Variants in GPBP1L1 observed in about 807,000 individuals in gnomAD.
GPBP1L1 encodes vasculin-like protein 1.
In GPBP1L1, 23 loss-of-function variants were observed where a neutral mutation model predicts 52.5. The observed-to-expected ratio is 0.44, with a 90% confidence interval of 0.32 to 0.62. The LOEUF (loss-of-function observed/expected upper bound fraction) is 0.62. Among genes scored for constraint, GPBP1L1 ranks in the 20% least tolerant of loss-of-function variants. The pLI, the probability that GPBP1L1 is intolerant of heterozygous loss-of-function variation, is 0.06. For synonymous variants in GPBP1L1, 243 were observed against 203.1 expected, an observed-to-expected ratio of 1.20 and a Z score of -1.67; for missense variants, 596 against 579.3, an observed-to-expected ratio of 1.03 and a Z score of -0.30.
At chr1:45,640,434 A>AT in intron 7 of GPBP1L1, 31 bp from the exon 8 acceptor site, 1 of 1,553,380 alleles carries the variant, frequency 6.4e-7, no homozygotes, top group Non-Finnish European at 8.9e-7. Flanking sequence ...GAGACAACAG[A>AT]ATGTCAAACC....
chr1:45,643,305 G>A (rs1179009801), intron 6 of GPBP1L1, among the ~76,000 whole-genome samples: 1 of 152,186 alleles, frequency 6.6e-6, no homozygotes, highest in Non-Finnish European at 1.5e-5. Context: ...GAGGTATCTG[G>A]CAAAGCAGGC....
chr1:45,639,172 A>G lies in GPBP1L1; in HGVS notation c.744+1038T>C, dbSNP rs59879604. The stretch of plus-strand genomic sequence containing the variant: ...TGCCATACATTGTTTGGAGCCACTG[A>G]AGGAATTCAGGAAGGCATGTGATAT... On this transcript the variant is annotated intron_variant, in intron 8 of 12. Coordinates refer to ENST00000355105, the MANE Select transcript of GPBP1L1 (RefSeq NM_021639.5). Among the ~76,000 whole-genome samples the G allele has an allele frequency of 6.4e-3, 944 of 147,154 alleles. 7 individuals are homozygous for G. Among genetic ancestry groups the G allele is most frequent in the African/African-American group, 0.023 (911 of 39,656 alleles).
intron 7 of GPBP1L1, among the ~76,000 whole-genome samples, chr1:45,640,689 G>C (rs983339586): frequency 6.6e-6 from 1 of 152,176 alleles, no homozygotes; most frequent in African/African-American, 2.4e-5. Context: ...TGGACAGTGT[G>C]ATCAGTTAAG....
intron 8 of GPBP1L1, among the ~76,000 whole-genome samples, chr1:45,635,927 G>C (rs1169982438): frequency 2.6e-5 from 4 of 151,954 alleles, no homozygotes; most frequent in Admixed American, 2.6e-4. Context: ...CCACCTTATT[G>C]AAATTAGGAG....
chr1:45,633,878 C>T (rs1644562095), intron 9 of GPBP1L1: 2 of 649,870 alleles, frequency 3.1e-6, no homozygotes, highest in African/African-American at 1.8e-5. Context: ...CAGCAGAATG[C>T]CAGTCTAACA....
chr1:45,642,863 G>A (rs931099871), intron 6 of GPBP1L1, among the ~76,000 whole-genome samples: 1 of 152,196 alleles, frequency 6.6e-6, no homozygotes, highest in East Asian at 1.9e-4. Context: ...TCAGATTAAA[G>A]GAGGACAATG....
In GPBP1L1 at chr1:45,640,505, T is replaced by C. The variant is rs2148438692; in HGVS notation, c.551-102A>G. ...CTTAGTCAACAAAACAGCTGACAGT[T>C]GAGACAGAGGGATTAAACATTCCCT... On this transcript the variant is annotated intron_variant, in intron 7 of 12. Coordinates refer to ENST00000355105, the MANE Select transcript of GPBP1L1 (RefSeq NM_021639.5). 5 of 898,468 alleles carry C rather than the reference T, an allele frequency of 5.6e-6. No homozygotes were observed. In the Admixed American group the frequency reaches 5.7e-5, roughly 10 times the overall value. 55.7% of individuals were successfully genotyped at this position (898,468 alleles called of 1,614,324 possible). A position where few individuals can be genotyped will look rare whatever the true frequency, so the allele number is the denominator to read the frequency against.
At chr1:45,686,242 T>C (rs1473887607) in intron 1 of GPBP1L1, among the ~76,000 whole-genome samples, 170 bp downstream of exon 1, 1 of 152,178 alleles carries the variant, frequency 6.6e-6, no homozygotes, top group Non-Finnish European at 1.5e-5. Flanking sequence ...TCCGAACCAC[T>C]TGACCCGTGG....
chr1:45,646,038 T>C (rs752024274), intron 6 of GPBP1L1: 9 of 502,344 alleles, frequency 1.8e-5, no homozygotes, highest in Non-Finnish European at 3.5e-5. Context: ...TCTGTTATCA[T>C]CAATGATTTC....
At chr1:45,686,148 G>A (rs1569910531) in intron 1 of GPBP1L1, among the ~76,000 whole-genome samples, 2 of 152,336 alleles carry the variant, frequency 1.3e-5, no homozygotes, top group South Asian at 4.1e-4. Context: ...CCCGACGACC[G>A]AAGTTAAAGT....
intron 2 of GPBP1L1, among the ~76,000 whole-genome samples, chr1:45,671,357 G>A (rs1376507437): frequency 6.6e-6 from 1 of 151,914 alleles, no homozygotes; most frequent in Non-Finnish European, 1.5e-5. Context: ...TTACAGGCAT[G>A]TGCCACCATG....
Position 45,686,477 on chromosome 1 carries a change from G to C in GPBP1L1, c.-1208C>G, listed in dbSNP as rs945113498. 2.0e-5 allele frequency: 3 copies of C among 152,348 alleles called. No homozygotes were observed. The highest frequency in any genetic ancestry group is 4.4e-5 in the Non-Finnish European group (3 of 68,146). 9.4% of individuals were successfully genotyped at this position (152,348 alleles called of 1,614,324 possible). On this transcript the variant is annotated 5_prime_UTR_variant, in exon 1 of 13. Transcript: ENST00000355105. ...TCTGAGGACGCGTCCCCAGCTTGTC[G>C]ACCCGGCAGAGGCGGCTAGTCCACA...
At chr1:45,677,418 G>A (rs1404888356) in intron 2 of GPBP1L1, among the ~76,000 whole-genome samples, 1 of 151,908 alleles carries the variant, frequency 6.6e-6, no homozygotes, top group Non-Finnish European at 1.5e-5. Flanking sequence ...GCTGGGGTGG[G>A]AGCCTGGGAA....
chr1:45,662,288 T>C (rs748004585), intron 2 of GPBP1L1, among the ~76,000 whole-genome samples: 17 of 152,134 alleles, frequency 1.1e-4, no homozygotes, highest in African/African-American at 4.1e-4. Context: ...ACTACAGATA[T>C]GCACCATCAT....
At chr1:45,665,126 C>T (rs536103627) in intron 2 of GPBP1L1, among the ~76,000 whole-genome samples, 96 of 152,102 alleles carry the variant, frequency 6.3e-4, no homozygotes, top group Admixed American at 1.2e-3. Flanking sequence ...CCCGTCTCTA[C>T]TATAAATACA....
chr1:45,686,084 C>T (rs1645278435), intron 1 of GPBP1L1, among the ~76,000 whole-genome samples: 1 of 152,236 alleles, frequency 6.6e-6, no homozygotes, highest in Non-Finnish European at 1.5e-5. Context: ...ACTCAACGAG[C>T]ACCAAGCCGG....
upstream of GPBP1L1, chr1:45,687,213 C>A (rs1645301804): frequency 6.6e-6 from 1 of 152,276 alleles, no homozygotes; most frequent in Non-Finnish European, 1.5e-5. Flanking sequence ...AAGCGAAGGG[C>A]GGGATTCCGG....
chr1:45,657,461 G>C (rs547455514), intron 4 of GPBP1L1, among the ~76,000 whole-genome samples: 39 of 152,236 alleles, frequency 2.6e-4, no homozygotes, highest in African/African-American at 8.4e-4. Flanking sequence ...GCCTGAGCCA[G>C]GGAAGTCAAG....
At chr1:45,662,722 T>C (rs900871043) in intron 2 of GPBP1L1, among the ~76,000 whole-genome samples, 2 of 152,166 alleles carry the variant, frequency 1.3e-5, no homozygotes, top group Non-Finnish European at 2.9e-5. Flanking sequence ...AAGATGACTA[T>C]TCACTTATTG....
Sources: allele counts gnomAD v4.1 joint callset (sites outside exome capture counted in the v4.1 genomes callset), GRCh38; gene constraint gnomAD v4.1.1; transcripts MANE v1.5; gene names NCBI Gene and HGNC (gene_info 2026-07-23, HGNC 2026-07-21).